The following ADARB2 variants were observed in gnomAD, a reference collection of about 807,000 sequenced individuals.
ADARB2 encodes adenosine deaminase RNA specific B2 (inactive).
A neutral mutation model predicts 62.2 loss-of-function variants in ADARB2; 25 were observed. The ratio of observed to expected loss-of-function variants is 0.40; its 90% CI spans 0.29 to 0.56. The LOEUF (loss-of-function observed/expected upper bound fraction) is 0.56. Ranked by LOEUF, ADARB2 falls within the 20% of genes least tolerant of loss-of-function variation. The pLI is 0.43. For missense variants in ADARB2, 1,071 were observed against 1,077.4 expected, an observed-to-expected ratio of 0.99 and a Z score of 0.08; for synonymous variants, 572 against 500.8, an observed-to-expected ratio of 1.14 and a Z score of -1.90.
chr10:1,334,680 G>A, intron 3 of ADARB2, among the ~76,000 whole-genome samples: 1 of 152,196 alleles, frequency 6.6e-6, no homozygotes, highest in Non-Finnish European at 1.5e-5. Context: ...TACAAATAAA[G>A]TTTCTTCAAG....
chr10:1,524,442 A>G (rs1832115086), intron 1 of ADARB2, among the ~76,000 whole-genome samples: 1 of 152,204 alleles, frequency 6.6e-6, no homozygotes, highest in South Asian at 2.1e-4. Context: ...TCTTCTGGGC[A>G]ATTTTCAGAC....
intron 1 of ADARB2, among the ~76,000 whole-genome samples, chr10:1,594,444 T>C (rs866273384): frequency 1.3e-5 from 2 of 152,068 alleles, no homozygotes; most frequent in African/African-American, 4.8e-5. Context: ...GGGGCCATTT[T>C]CACCTCAAGT....
At chr10:1,496,687 C>T (rs1831696878) in intron 1 of ADARB2, among the ~76,000 whole-genome samples, 1 of 151,986 alleles carries the variant, frequency 6.6e-6, no homozygotes, top group African/African-American at 2.4e-5. Context: ...CCATCATTAT[C>T]AACTTAATTA....
chr10:1,638,422 A>G (rs984765531), intron 1 of ADARB2, among the ~76,000 whole-genome samples: 1 of 152,200 alleles, frequency 6.6e-6, no homozygotes, highest in African/African-American at 2.4e-5. Context: ...GCCATAATGC[A>G]TGTAGCTCAA....
At chr10:1,356,048 G>A (rs1053486770) in intron 3 of ADARB2, among the ~76,000 whole-genome samples, 1 of 152,128 alleles carries the variant, frequency 6.6e-6, no homozygotes, top group Non-Finnish European at 1.5e-5. Context: ...ATTAAGGAAG[G>A]ATTTTCTGAA....
chr10:1,478,727 C>T (rs915097272), intron 1 of ADARB2, among the ~76,000 whole-genome samples: 10 of 150,676 alleles, frequency 6.6e-5, no homozygotes, highest in Non-Finnish European at 8.8e-5. Flanking sequence ...CAAGGACCCT[C>T]GGACGGGAGA....
intron 1 of ADARB2, among the ~76,000 whole-genome samples, chr10:1,543,396 G>A (rs975317740): frequency 6.6e-6 from 1 of 152,180 alleles, no homozygotes; most frequent in Non-Finnish European, 1.5e-5. Context: ...AATAGCAGAC[G>A]GGGACAACAA....
chr10:1,278,422 C>T (rs573417939), intron 3 of ADARB2, among the ~76,000 whole-genome samples: 1 of 151,676 alleles, frequency 6.6e-6, no homozygotes, highest in South Asian at 2.1e-4. Flanking sequence ...TTCTCAACCC[C>T]CTCCCTCCCC....
At chr10:1,185,179 C>T (rs531836931) in intron 8 of ADARB2, 140 bp from the exon 9 acceptor site, 274 of 1,155,010 alleles carry the variant, frequency 2.4e-4, no homozygotes, top group Non-Finnish European at 2.9e-4. Context: ...GGCCAGTTCA[C>T]GTGTCACCCG....
chr10:1,684,838 G>C (rs80318943), intron 1 of ADARB2, among the ~76,000 whole-genome samples: 1 of 152,222 alleles, frequency 6.6e-6, no homozygotes, highest in Non-Finnish European at 1.5e-5. Flanking sequence ...TCAGGAATGC[G>C]TGAGTTCTGA....
chr10:1,555,609 C>T (rs1026414909), intron 1 of ADARB2, among the ~76,000 whole-genome samples: 2 of 152,006 alleles, frequency 1.3e-5, no homozygotes, highest in African/African-American at 4.8e-5. Flanking sequence ...GTCAGGTATG[C>T]GAGACTACAA....
At chr10:1,360,248 C>A (rs759452742) in intron 3 of ADARB2, among the ~76,000 whole-genome samples, 9 of 152,236 alleles carry the variant, frequency 5.9e-5, no homozygotes, top group Admixed American at 1.3e-4. Flanking sequence ...GCGGCCTTTC[C>A]CCCCAGCCCC....
intron 7 of ADARB2, among the ~76,000 whole-genome samples, chr10:1,201,007 C>G (rs905766989): frequency 2.0e-5 from 3 of 152,220 alleles, no homozygotes; most frequent in African/African-American, 7.2e-5. Flanking sequence ...CTTCCCGAAG[C>G]AGTCAATTAA....
chr10:1,686,297 T>G (rs1319997420), intron 1 of ADARB2, among the ~76,000 whole-genome samples: 1 of 152,148 alleles, frequency 6.6e-6, no homozygotes, highest in African/African-American at 2.4e-5. Context: ...TTAAATGAAA[T>G]GAATGGCTCG....
At chr10:1,626,324 ATGCTCTCTCCTGCATGGACACAGGCCTC>A (rs1833768796) in intron 1 of ADARB2, among the ~76,000 whole-genome samples, 2 of 140,736 alleles carry the variant, frequency 1.4e-5, no homozygotes, top group Non-Finnish European at 1.5e-5. Flanking sequence ...ACGTCTGCCC[ATGCTCTCTCCTGCATGGACACAGGCCTC>A]CACTGGACCT....
chr10:1,274,543 G>C (rs1189022610), intron 3 of ADARB2, among the ~76,000 whole-genome samples: 1 of 151,996 alleles, frequency 6.6e-6, no homozygotes, highest in Admixed American at 6.5e-5. Context: ...GTCACTTTGT[G>C]TCTGCTTGAG....
At chr10:1,633,622 AATCT>A (rs1396736217) in intron 1 of ADARB2, among the ~76,000 whole-genome samples, 5 of 115,116 alleles carry the variant, frequency 4.3e-5, no homozygotes, top group African/African-American at 1.1e-4. Flanking sequence ...CCCTCTATGT[AATCT>A]ATCTATCCAT....
chr10:1,241,800 AG>A (rs1830927194), intron 5 of ADARB2, among the ~76,000 whole-genome samples: 2 of 152,118 alleles, frequency 1.3e-5, no homozygotes, highest in East Asian at 3.9e-4. Flanking sequence ...ACGGCGGAAA[AG>A]GGGGCAGTGC....
chr10:1,379,275 G>A lies in ADARB2; in HGVS notation c.101-115C>T, dbSNP rs56260104. ...CAAGGGAGGTGGAGAGGTCACTTTG[G>A]TTTCAGCCATTTCATTCTGGTTCAG... is the stretch of plus-strand genomic sequence containing the variant. On this transcript the variant is annotated intron_variant, in intron 1 of 9. Transcript: ENST00000381312. 1,813 of 796,860 alleles carry A rather than the reference G, an allele frequency of 2.3e-3. 21 individuals carry two copies. In the African/African-American group the frequency reaches 0.026, roughly 11 times the overall value. 49.4% of individuals were successfully genotyped at this position (796,860 alleles called of 1,614,324 possible).
Sources: gnomAD v4.1 joint callset for allele counts (sites outside exome capture counted in the v4.1 genomes callset) on GRCh38, gnomAD v4.1.1 for gene constraint, MANE v1.5 for transcripts, NCBI Gene and HGNC (gene_info 2026-07-23, HGNC 2026-07-21) for gene names.